SLC15A1: variants seen among roughly 807,000 people sequenced by gnomAD.
SLC15A1 encodes the protein Caco-2 oligopeptide transporter.
SLC15A1 carries 83 observed loss-of-function variants against 92.9 expected under a neutral mutation model. The observed-to-expected ratio is 0.89, with a 90% CI of 0.75 to 1.07. SLC15A1 has a LOEUF of 1.07. Ranked by LOEUF, SLC15A1 falls within the 50% of genes least tolerant of loss-of-function variation. SLC15A1 has a pLI of 0.00. For missense variants in SLC15A1, 857 were observed against 880.1 expected (o/e 0.97, Z 0.33); for synonymous variants, 322 against 318.2 (o/e 1.01, Z -0.13).
chr13:98,710,778 A>C (rs2088154695), intron 11 of SLC15A1, among the ~76,000 whole-genome samples: 2 of 134,456 alleles, frequency 1.5e-5, no homozygotes, highest in South Asian at 4.9e-4. Flanking sequence ...ACTGTACTCC[A>C]GCTTGGGCAA....
intron 17 of SLC15A1, among the ~76,000 whole-genome samples, chr13:98,703,356 G>GAACA (rs1327342459): frequency 1.3e-5 from 2 of 152,028 alleles, no homozygotes; most frequent in African/African-American, 4.8e-5. Context: ...TGCTTCCACA[G>GAACA]AACACTACTG....
chr13:98,721,753 C>T, intron 6 of SLC15A1, 51 bp downstream of exon 6: 1 of 1,550,024 alleles, frequency 6.5e-7, no homozygotes, highest in African/African-American at 1.4e-5. Flanking sequence ...GCCTCTGACT[C>T]CTGGATGTGT....
chr13:98,720,015 G>A lies in SLC15A1; in HGVS notation c.557-695C>T, dbSNP rs143393222. 6.3e-3 allele frequency among the ~76,000 whole-genome samples: 961 copies of A among 152,122 alleles called. 9 individuals carry two copies. The highest frequency in any genetic ancestry group is 0.041 in the Middle Eastern group (12 of 294). On this transcript the variant is annotated intron_variant, in intron 7 of 22. Coordinates refer to ENST00000376503, the MANE Select transcript of SLC15A1 (RefSeq NM_005073.4). ...AAAGTAAGCCTTTGTAAGAAGTCAC[G>A]GAGATTCCTGGAAATCCTTTCTATG...
rs138129914 is a variant in SLC15A1, at chr13:98,750,837, C to T, written c.4+1758G>A. On this transcript the variant is annotated intron_variant, in intron 1 of 22. Coordinates refer to ENST00000376503, the MANE Select transcript of SLC15A1 (RefSeq NM_005073.4). ...CACCACGTTGGCTCACTGCAACCTT[C>T]GTCTCCTGGGTTCAAGCAATTCTCC... Among the ~76,000 whole-genome samples the T allele has an allele frequency of 4.0e-3, 602 of 151,226 alleles. 2 individuals are homozygous for T. Among genetic ancestry groups the T allele is most frequent in the South Asian group, 0.019 (91 of 4,766 alleles).
chr13:98,712,687 GA>G, intron 9 of SLC15A1, 103 bp from the exon 10 acceptor site: 1 of 751,718 alleles, frequency 1.3e-6, no homozygotes, highest in Non-Finnish European at 2.2e-6. Context: ...ATACGTGTGA[GA>G]AAAGCAAAAT....
At chr13:98,685,321 C>T (rs2139557269) in intron 22 of SLC15A1, among the ~76,000 whole-genome samples, 1 of 152,326 alleles carries the variant, frequency 6.6e-6, no homozygotes, top group Non-Finnish European at 1.5e-5. Flanking sequence ...TCCTTGGAAA[C>T]ACCTGGAGCT....
intron 1 of SLC15A1, among the ~76,000 whole-genome samples, chr13:98,747,536 T>G (rs1271272433): frequency 6.6e-6 from 1 of 152,196 alleles, no homozygotes; most frequent in Non-Finnish European, 1.5e-5. Context: ...CCCTGTTTGT[T>G]CTTCATGGAA....
chr13:98,698,205 T>C (rs986451267), intron 18 of SLC15A1, among the ~76,000 whole-genome samples: 1 of 152,228 alleles, frequency 6.6e-6, no homozygotes, highest in Non-Finnish European at 1.5e-5. Context: ...TTCAAGGATA[T>C]AAAGTAACAT....
intron 7 of SLC15A1, among the ~76,000 whole-genome samples, chr13:98,719,846 C>G (rs972061962): frequency 6.6e-5 from 10 of 152,174 alleles, no homozygotes; most frequent in Admixed American, 6.5e-4. Context: ...CAACTGTAGA[C>G]AATACATCAA....
Position 98,683,862 on chromosome 13 carries a change from CT to C in SLC15A1, c.*861del, listed in dbSNP as rs2087907396. On this transcript the variant is annotated 3_prime_UTR_variant, in exon 23 of 23. Transcript: ENST00000376503. ...CAAAAAAATCATTACTGGCCTTCAC[CT>C]GAGCTGTCTTTCGAGTTATCCATAA... is the stretch of plus-strand genomic sequence containing the variant. 6.6e-6 allele frequency: 1 copy of C among 152,192 alleles called. No individual in the cohort carries two copies. Among genetic ancestry groups the C allele is most frequent in the African/African-American group, 2.4e-5 (1 of 41,448 alleles). 9.4% of individuals were successfully genotyped at this position (152,192 alleles called of 1,614,324 possible). A position where few individuals can be genotyped will look rare whatever the true frequency, so the allele number is the denominator to read the frequency against.
intron 17 of SLC15A1, 133 bp downstream of exon 17, chr13:98,704,156 T>G (rs1047267254): frequency 1.4e-5 from 11 of 792,616 alleles, no homozygotes; most frequent in Non-Finnish European, 1.9e-5. Context: ...AGTCTTGTGT[T>G]CCAGAAGAAG....
chr13:98,739,151 A>G (rs1157312343), intron 1 of SLC15A1, among the ~76,000 whole-genome samples: 1 of 152,152 alleles, frequency 6.6e-6, no homozygotes, highest in Non-Finnish European at 1.5e-5. Flanking sequence ...GGGAATGTTT[A>G]CCCAATGCCT....
rs2087909474 is a variant in SLC15A1 at position 98,684,066 on chromosome 13, A to G, written c.*658T>C. On this transcript the variant is annotated 3_prime_UTR_variant, in exon 23 of 23. Coordinates refer to ENST00000376503, the MANE Select transcript of SLC15A1 (RefSeq NM_005073.4). ...GAGTATTAGAAATGAACAGTATGGA[A>G]TAGGAAACTTTGTTACCATTTCAAA... 1 of 152,274 alleles carries G rather than the reference A, an allele frequency of 6.6e-6. No individual in the cohort carries two copies. The highest frequency in any genetic ancestry group is 6.5e-5 in the Admixed American group (1 of 15,276). 9.4% of individuals were successfully genotyped at this position (152,274 alleles called of 1,614,324 possible).
At chr13:98,718,088 C>A in intron 8 of SLC15A1, among the ~76,000 whole-genome samples, 2 of 152,118 alleles carry the variant, frequency 1.3e-5, no homozygotes, top group African/African-American at 4.8e-5. Flanking sequence ...AAAGTTATTG[C>A]GGTTTTTGCC....
At position 98,706,171 on chromosome 13, in the gene SLC15A1, A is replaced by G. The variant is rs754534560; in HGVS notation, c.1232T>C (p.Leu411Pro). ...GCCAAGTGTCACCATCTCTCCAGGA[A>G]GAGATATATTCATGGTATTGTTTCC... ...NIGNNTMNISLPGEMVTLGPM... is the reference protein window; with the variant it reads ...NIGNNTMNISPPGEMVTLGPM... Residue 411 changes from leucine to proline, a missense_variant, in exon 16 of 23, where the codon CTT becomes CCT. By Grantham distance (98) the Leu-to-Pro change is moderately conservative (BLOSUM62 -3). Transcript: ENST00000376503. The G allele has an allele frequency of 1.9e-6, 3 of 1,611,596 alleles. No homozygotes were observed. In the African/African-American group the frequency reaches 4.0e-5, roughly 21 times the overall value.
chr13:98,750,556 C>T (rs963456814), intron 1 of SLC15A1, among the ~76,000 whole-genome samples: 5 of 152,144 alleles, frequency 3.3e-5, no homozygotes, highest in African/African-American at 4.8e-5. Flanking sequence ...CTCCTGGATT[C>T]TCAAGGAATG....
At chr13:98,691,772 C>T (rs2087979421) in intron 18 of SLC15A1, among the ~76,000 whole-genome samples, 1 of 152,134 alleles carries the variant, frequency 6.6e-6, no homozygotes, top group African/African-American at 2.4e-5. Context: ...TTATAACCTC[C>T]AATGAAAATG....
intron 8 of SLC15A1, among the ~76,000 whole-genome samples, chr13:98,718,170 T>C (rs2088225662): frequency 1.3e-5 from 2 of 152,100 alleles, no homozygotes; most frequent in African/African-American, 2.4e-5. Flanking sequence ...TAGATGTTCA[T>C]TGGAGTGTTT....
At chr13:98,711,808 G>A (rs1199922120) in intron 11 of SLC15A1, 46 bp downstream of exon 11, 1 of 1,422,828 alleles carries the variant, frequency 7.0e-7, no homozygotes, top group Non-Finnish European at 9.9e-7. Context: ...AGTGCGGGAT[G>A]TACGCTTGCT....
Sources: allele counts gnomAD v4.1 joint callset (sites outside exome capture counted in the v4.1 genomes callset), GRCh38; gene constraint gnomAD v4.1.1; transcripts MANE v1.5; gene names NCBI Gene and HGNC (gene_info 2026-07-23, HGNC 2026-07-21).